MAPT: variants seen among roughly 807,000 people sequenced by gnomAD.
The protein encoded by MAPT is microtubule-associated protein tau.
MAPT carries 34 observed loss-of-function variants against 67.9 expected under a neutral mutation model. The ratio of observed to expected loss-of-function variants is 0.50; its 90% CI spans 0.38 to 0.67. The LOEUF (loss-of-function observed/expected upper bound fraction) is 0.67. Among genes scored for constraint, MAPT ranks in the 30% least tolerant of loss-of-function variants. The pLI is 0.00. For synonymous variants in MAPT, 456 were observed against 464.5 expected, an observed-to-expected ratio of 0.98 and a Z score of 0.23; for missense variants, 881 against 1,115.2, an observed-to-expected ratio of 0.79 and a Z score of 2.99.
Position 45,983,801 on chromosome 17 carries a change from G to A in MAPT, c.1222G>A (p.Glu408Lys). 6.2e-7 allele frequency: 1 copy of A among 1,613,468 alleles called. No homozygotes were observed. ...GRAAFPGAPG[E>K]GPEARGPSLG... ...GGCTGCATTTCCAGGGGCCCCTGGA[G>A]AGGGGCCAGAGGCCCGGGGCCCCTC... The change falls in exon 5 of 13, where the codon GAG (glutamate) becomes AAG (lysine). Residue 408 changes from glutamate to lysine, a missense_variant. Physicochemically the swap from Glu to Lys is moderately conservative, Grantham distance 56 (BLOSUM62 1). This residue lies in a region of MAPT where 687 missense variants were observed against 766.1 expected (regional missense o/e 0.90). Transcript: ENST00000262410.
At chr17:45,941,015 T>G (rs1343532821) in intron 1 of MAPT, among the ~76,000 whole-genome samples, 1 of 152,182 alleles carries the variant, frequency 6.6e-6, no homozygotes, top group Admixed American at 6.5e-5. Flanking sequence ...AGGAGACTTG[T>G]GTACAAGGAG....
chr17:45,992,431 C>T (rs2074133290), intron 8 of MAPT, among the ~76,000 whole-genome samples: 1 of 152,194 alleles, frequency 6.6e-6, no homozygotes. Flanking sequence ...CCCTGGGCAG[C>T]TTAACTTGCT....
intron 1 of MAPT, among the ~76,000 whole-genome samples, chr17:45,950,675 T>G (rs1324599892): frequency 2.0e-5 from 3 of 152,076 alleles, no homozygotes; most frequent in Non-Finnish European, 4.4e-5. Context: ...ATTTATTTAT[T>G]TATGTATTTT....
In MAPT at chr17:45,983,712, TTCACGTGGAAA is replaced by T. The variant is rs1416052858; in HGVS notation, c.1138_1148del (p.Val380ThrfsTer42). 6.2e-7 allele frequency: 1 copy of T among 1,614,150 alleles called. No individual in the cohort carries two copies. The highest frequency in any genetic ancestry group is 1.7e-5 in the Admixed American group (1 of 60,034). ...CAGGATGCCCCCCTGGAGTTCACGT[TTCACGTGGAAA>T]TCACACCCAACGTGCAGAAGGAGCA... On this transcript the variant is annotated frameshift_variant, in exon 5 of 13. Transcript: ENST00000262410. LOFTEE classifies it high-confidence loss of function.
intron 9 of MAPT, among the ~76,000 whole-genome samples, chr17:46,006,948 AAAT>A (rs1386050197): frequency 5.5e-5 from 8 of 144,278 alleles, no homozygotes; most frequent in East Asian, 2.0e-4. Flanking sequence ...AAATAAAATA[AAAT>A]AATAAAATAA....
chr17:45,974,775 G>A (rs2072142668), intron 3 of MAPT: 3 of 421,504 alleles, frequency 7.1e-6, no homozygotes, highest in South Asian at 6.7e-5. Flanking sequence ...TGGGGCAGGT[G>A]GTGGCAGACC....
intron 1 of MAPT, among the ~76,000 whole-genome samples, chr17:45,957,877 T>C (rs2069918080): frequency 6.6e-6 from 1 of 151,658 alleles, no homozygotes; most frequent in South Asian, 2.1e-4. Flanking sequence ...ATGTCTAAAG[T>C]ACATCTGGAA....
At chr17:45,967,377 C>G (rs1184026939) in intron 2 of MAPT, among the ~76,000 whole-genome samples, 1 of 152,152 alleles carries the variant, frequency 6.6e-6, no homozygotes, top group Admixed American at 6.5e-5. Context: ...GACCATCATG[C>G]CCATATAGAT....
intron 11 of MAPT, among the ~76,000 whole-genome samples, chr17:46,016,328 GCT>G (rs1295232107): frequency 6.6e-6 from 1 of 151,020 alleles, no homozygotes; most frequent in Non-Finnish European, 1.5e-5. Context: ...GGAGGCAGAG[GCT>G]GAGTGAGCCA....
intron 9 of MAPT, chr17:45,999,550 G>A: frequency 6.2e-7 from 1 of 1,613,328 alleles, no homozygotes; most frequent in Non-Finnish European, 8.5e-7. Context: ...GGCTGAGCAG[G>A]GAAGACAACT....
At chr17:45,928,227 G>A (rs1053576883) in intron 1 of MAPT, among the ~76,000 whole-genome samples, 3 of 152,164 alleles carry the variant, frequency 2.0e-5, no homozygotes, top group Admixed American at 2.0e-4. Context: ...AGCCTTAGGA[G>A]TCATCTTTTA....
intron 1 of MAPT, among the ~76,000 whole-genome samples, chr17:45,904,889 G>C (rs932355532): frequency 6.6e-6 from 1 of 152,124 alleles, no homozygotes; most frequent in African/African-American, 2.4e-5. Context: ...AAATAAAACT[G>C]TTGTCTATAA....
chr17:45,944,369 C>A (rs1380188589), intron 1 of MAPT, among the ~76,000 whole-genome samples: 1 of 152,204 alleles, frequency 6.6e-6, no homozygotes, highest in Non-Finnish European at 1.5e-5. Flanking sequence ...AAAGCCTCCA[C>A]CTCCAAACTC....
At chr17:45,998,251 C>G (rs975009073) in intron 9 of MAPT, among the ~76,000 whole-genome samples, 2 of 152,222 alleles carry the variant, frequency 1.3e-5, no homozygotes, top group Non-Finnish European at 2.9e-5. Flanking sequence ...TCCCCCCACC[C>G]AGGATCCCCC....
intron 1 of MAPT, among the ~76,000 whole-genome samples, chr17:45,953,352 G>C (rs1270812240): frequency 1.3e-5 from 2 of 152,220 alleles, no homozygotes; most frequent in African/African-American, 4.8e-5. Context: ...AACATGGCAG[G>C]TAGGTCCCAA....
chr17:46,023,159 C>T (rs2076632701), intron 12 of MAPT, among the ~76,000 whole-genome samples: 1 of 152,154 alleles, frequency 6.6e-6, no homozygotes, highest in African/African-American at 2.4e-5. Context: ...TGCAATCTGG[C>T]AATATCTATT....
intron 1 of MAPT, among the ~76,000 whole-genome samples, chr17:45,920,044 G>C (rs1291560378): frequency 6.6e-6 from 1 of 152,270 alleles, no homozygotes; most frequent in African/African-American, 2.4e-5. Flanking sequence ...CTGGGTACCT[G>C]GCTGCCATAG....
At chr17:45,975,911 G>C (rs111754793) in intron 3 of MAPT, 1 of 151,688 alleles carries the variant, frequency 6.6e-6, no homozygotes, top group South Asian at 2.1e-4. Flanking sequence ...CTCTCTCTCT[G>C]TCTCCATGGG....
At chr17:45,911,256 C>T (rs1462778842) in intron 1 of MAPT, among the ~76,000 whole-genome samples, 3 of 152,146 alleles carry the variant, frequency 2.0e-5, no homozygotes, top group South Asian at 2.1e-4. Context: ...CCGGGCATAG[C>T]GCATGGCACA....
Sources: allele counts gnomAD v4.1 joint callset (sites outside exome capture counted in the v4.1 genomes callset), GRCh38; gene constraint gnomAD v4.1.1; regional missense constraint gnomAD v4.1.1; transcripts MANE v1.5; gene names NCBI Gene and HGNC (gene_info 2026-07-23, HGNC 2026-07-21).